GREB1L: variants seen among roughly 807,000 people sequenced by gnomAD.
The protein encoded by GREB1L is GREB1-like protein.
GREB1L carries 17 observed loss-of-function variants against 200.8 expected under a neutral mutation model. The ratio of observed to expected loss-of-function variants is 0.08; its 90% CI spans 0.06 to 0.13. The LOEUF (loss-of-function observed/expected upper bound fraction) is 0.13. GREB1L is among the 10% of genes least tolerant of loss of function. The probability of loss-of-function intolerance (pLI) is 1.00; values close to 1 mark genes in which losing one functional copy is unlikely to be tolerated. For missense variants in GREB1L, 1,657 were observed against 2,367.7 expected (o/e 0.70, Z 6.23); for synonymous variants, 789 against 893.0 (o/e 0.88, Z 2.08).
chr18:21,438,626 G>T (rs1192990032), intron 7 of GREB1L, among the ~76,000 whole-genome samples: 1 of 151,696 alleles, frequency 6.6e-6, no homozygotes, highest in African/African-American at 2.4e-5. Context: ...CTCTGAGCCC[G>T]CCACTGCACT....
At chr18:21,382,778 T>C (rs1345846085) in intron 2 of GREB1L, among the ~76,000 whole-genome samples, 1 of 152,076 alleles carries the variant, frequency 6.6e-6, no homozygotes, top group Non-Finnish European at 1.5e-5. Flanking sequence ...TGAGCCACTA[T>C]GCCCACCCTA....
chr18:21,424,075 A>C (rs1360883857), intron 7 of GREB1L, among the ~76,000 whole-genome samples: 1 of 152,162 alleles, frequency 6.6e-6, no homozygotes, highest in Non-Finnish European at 1.5e-5. Flanking sequence ...GTCTGAGCTC[A>C]TGCAGAACTG....
chr18:21,325,141 C>T (rs139539773), intron 1 of GREB1L, among the ~76,000 whole-genome samples: 1 of 152,312 alleles, frequency 6.6e-6, no homozygotes, highest in African/African-American at 2.4e-5. Flanking sequence ...CCTAATGACA[C>T]TGAAGTCTCT....
At chr18:21,414,088 C>A (rs2031373531) in intron 7 of GREB1L, among the ~76,000 whole-genome samples, 1 of 152,012 alleles carries the variant, frequency 6.6e-6, no homozygotes, top group South Asian at 2.1e-4. Context: ...AAGAAAATAA[C>A]CGAAATGGAG....
intron 2 of GREB1L, among the ~76,000 whole-genome samples, chr18:21,370,054 GT>G (rs1489276077): frequency 6.6e-6 from 1 of 151,916 alleles, no homozygotes; most frequent in Non-Finnish European, 1.5e-5. Flanking sequence ...CTTTTAATCT[GT>G]TTGCACTTTC....
intron 1 of GREB1L, among the ~76,000 whole-genome samples, chr18:21,325,813 CAA>C (rs60239796): frequency 3.9e-3 from 161 of 41,640 alleles, no homozygotes; most frequent in African/African-American, 7.0e-3. Context: ...GACCTTGTCT[CAA>C]AAAAAAAAAA....
intron 18 of GREB1L, among the ~76,000 whole-genome samples, chr18:21,489,632 A>T (rs1267144421): frequency 6.6e-6 from 1 of 152,148 alleles, no homozygotes; most frequent in Non-Finnish European, 1.5e-5. Context: ...TTTAACGTGC[A>T]TGCAATTCCC....
chr18:21,318,378 T>G (rs2038904755), intron 1 of GREB1L, among the ~76,000 whole-genome samples: 1 of 152,184 alleles, frequency 6.6e-6, no homozygotes, highest in Non-Finnish European at 1.5e-5. Flanking sequence ...GTTTTTCGGA[T>G]TTTGTTTTTC....
Position 21,384,271 on chromosome 18 carries a change from C to T in GREB1L, c.223C>T (p.Leu75=). Reference sequence around the variant, plus strand: ...AAACCGCTACACTCAAAATGGAAGTCTGGATTTTTCTAACAATCTAACAGT... The same window carrying T: ...AAACCGCTACACTCAAAATGGAAGTTTGGATTTTTCTAACAATCTAACAGT... The part of the protein sequence containing the change: ...LVNRYTQNGS[L]DFSNNLTVNE... Residue 75 remains leucine, a synonymous_variant, in exon 4 of 33, where the codon CTG becomes TTG. Transcript: ENST00000424526. The T allele has an allele frequency of 6.4e-7, 1 of 1,551,292 alleles. No homozygotes were observed. Among genetic ancestry groups the T allele is most frequent in the Non-Finnish European group, 8.7e-7 (1 of 1,146,680 alleles).
rs1444999584 is a variant in GREB1L, at chr18:21,296,825, T to G, written c.-120+54432T>G. Among the ~76,000 whole-genome samples the G allele has an allele frequency of 8.5e-5, 13 of 152,194 alleles. No individual in the cohort carries two copies. In the East Asian group the frequency reaches 2.3e-3, roughly 27 times the overall value. ...ACATGCCACCACCCCTGGCTAATTT[T>G]TATATTTTTAGTAGAGACGGGGTTT... On this transcript the variant is annotated intron_variant, in intron 1 of 32. Coordinates refer to ENST00000424526, the MANE Select transcript of GREB1L (RefSeq NM_001142966.3).
chr18:21,432,553 C>G (rs1479691358), intron 7 of GREB1L, among the ~76,000 whole-genome samples: 1 of 151,424 alleles, frequency 6.6e-6, no homozygotes, highest in Non-Finnish European at 1.5e-5. Context: ...ATATAACTTA[C>G]TGAATGGTTA....
chr18:21,470,183 G>C (rs1176704989), intron 15 of GREB1L, among the ~76,000 whole-genome samples: 1 of 151,948 alleles, frequency 6.6e-6, no homozygotes, highest in Non-Finnish European at 1.5e-5. Flanking sequence ...AGCTACTCAG[G>C]ACGCTGAGGC....
At chr18:21,260,347 A>G (rs2037869642) in intron 1 of GREB1L, among the ~76,000 whole-genome samples, 1 of 151,934 alleles carries the variant, frequency 6.6e-6, no homozygotes, top group South Asian at 2.1e-4. Context: ...TAAATTTTCT[A>G]CCTGATTTGT....
chr18:21,486,353 C>CAA (rs770296447), intron 18 of GREB1L, among the ~76,000 whole-genome samples: 1,258 of 89,768 alleles, frequency 0.014, 11 homozygotes, highest in Admixed American at 0.036. Flanking sequence ...GACTCCGTCT[C>CAA]AAAAAAAAAA....
Position 21,485,767 on chromosome 18 carries a change from A to G in GREB1L, c.2690+14A>G, listed in dbSNP as rs1489247248. 1.3e-6 allele frequency: 2 copies of G among 1,550,560 alleles called. No homozygotes were observed. The highest frequency in any genetic ancestry group is 1.7e-6 in the Non-Finnish European group (2 of 1,146,324). ...ACTCTTGGAGAGGTAAATAGTAAATAAGGCCTTCTGCTCTTCTCTCTAGCT... is the reference window on the plus strand; with the variant it reads ...ACTCTTGGAGAGGTAAATAGTAAATGAGGCCTTCTGCTCTTCTCTCTAGCT... On this transcript the variant is annotated intron_variant, in intron 18 of 32. Transcript: ENST00000424526.
At chr18:21,390,845 G>T (rs1350361383) in intron 4 of GREB1L, among the ~76,000 whole-genome samples, 3 of 151,980 alleles carry the variant, frequency 2.0e-5, no homozygotes, top group Non-Finnish European at 4.4e-5. Flanking sequence ...AACAAAAAAA[G>T]TTTAAAAAGT....
intron 23 of GREB1L, among the ~76,000 whole-genome samples, chr18:21,503,721 C>T (rs569301968): frequency 9.3e-4 from 141 of 152,040 alleles, no homozygotes; most frequent in Non-Finnish European, 1.7e-3. Context: ...GGATTAAAGG[C>T]ATGCACCACC....
At chr18:21,454,013 C>G (rs958211409) in intron 14 of GREB1L, among the ~76,000 whole-genome samples, 6 of 152,190 alleles carry the variant, frequency 3.9e-5, no homozygotes, top group African/African-American at 1.4e-4. Flanking sequence ...ACTGGAAATG[C>G]TACCCTTTCC....
intron 1 of GREB1L, among the ~76,000 whole-genome samples, chr18:21,354,887 T>C (rs745458391): frequency 3.1e-4 from 47 of 152,332 alleles, no homozygotes; most frequent in Middle Eastern, 3.4e-3. Context: ...ATGTTGATTT[T>C]TTTCCTGAGA....
Sources: gnomAD v4.1 joint callset for allele counts (sites outside exome capture counted in the v4.1 genomes callset) on GRCh38, gnomAD v4.1.1 for gene constraint, MANE v1.5 for transcripts, NCBI Gene and HGNC (gene_info 2026-07-23, HGNC 2026-07-21) for gene names.